NKAIN3: variants seen among roughly 807,000 people sequenced by gnomAD.
NKAIN3 encodes the protein sodium/potassium-transporting ATPase subunit beta-1-interacting protein 3.
NKAIN3 carries 25 observed loss-of-function variants against 30.2 expected under a neutral mutation model. That is an observed-to-expected ratio of 0.83 (90% CI 0.60 to 1.16). The LOEUF (loss-of-function observed/expected upper bound fraction) is 1.16. NKAIN3 is among the 50% of genes most tolerant of loss of function. NKAIN3 has a pLI of 0.00. For synonymous variants in NKAIN3, 91 were observed against 89.6 expected, an observed-to-expected ratio of 1.02 and a Z score of -0.09; for missense variants, 225 against 254.1, an observed-to-expected ratio of 0.89 and a Z score of 0.78.
At chr8:62,787,982 A>G (rs938245163) in intron 4 of NKAIN3, among the ~76,000 whole-genome samples, 3 of 152,174 alleles carry the variant, frequency 2.0e-5, no homozygotes, top group African/African-American at 7.2e-5. Flanking sequence ...TAGTGCCGCA[A>G]TAAACATACA....
At chr8:62,347,432 T>A (rs1185795575) in intron 1 of NKAIN3, among the ~76,000 whole-genome samples, 1 of 152,152 alleles carries the variant, frequency 6.6e-6, no homozygotes, top group Non-Finnish European at 1.5e-5. Flanking sequence ...TATTTCCATG[T>A]TCAAAGATTC....
intron 3 of NKAIN3, among the ~76,000 whole-genome samples, chr8:62,642,713 T>C (rs1475633105): frequency 6.6e-6 from 1 of 152,138 alleles, no homozygotes; most frequent in East Asian, 1.9e-4. Flanking sequence ...CTCCTTTTCC[T>C]GCAGACAAAG....
rs566352182 is a variant in NKAIN3, at chr8:62,864,343, G to A, written c.472-54110G>A. On this transcript the variant is annotated intron_variant, in intron 4 of 6. Coordinates refer to ENST00000623646, the MANE Select transcript of NKAIN3 (RefSeq NM_001304533.3). The stretch of plus-strand genomic sequence containing the variant: ...AGAAAACATTGAGAAAGAAGATGAT[G>A]TAGATCAGGAACTTGCGAACATAGA... Among the ~76,000 whole-genome samples, 1,446 of 152,270 alleles carry A rather than the reference G, an allele frequency of 9.5e-3. 21 individuals carry two copies. The highest frequency in any genetic ancestry group is 0.033 in the African/African-American group (1,371 of 41,544).
intron 4 of NKAIN3, among the ~76,000 whole-genome samples, chr8:62,825,231 A>G (rs569966217): frequency 6.6e-6 from 1 of 152,318 alleles, no homozygotes; most frequent in Admixed American, 6.5e-5. Context: ...GTAATAGACA[A>G]ACTTTATCAA....
chr8:62,962,111 T>A (rs1004074433), intron 6 of NKAIN3, among the ~76,000 whole-genome samples: 9 of 152,064 alleles, frequency 5.9e-5, no homozygotes, highest in African/African-American at 2.2e-4. Flanking sequence ...ACATAGAAAA[T>A]GTGTAAGTAA....
intron 4 of NKAIN3, among the ~76,000 whole-genome samples, chr8:62,865,755 G>A (rs1299835367): frequency 1.3e-5 from 2 of 152,148 alleles, no homozygotes; most frequent in African/African-American, 2.4e-5. Flanking sequence ...TTATCTTCTG[G>A]CAAAGGGACA....
At chr8:62,813,489 T>C (rs2130717859) in intron 4 of NKAIN3, among the ~76,000 whole-genome samples, 1 of 119,462 alleles carries the variant, frequency 8.4e-6, no homozygotes. Flanking sequence ...CAGCATACAG[T>C]TGAGTCTTCC....
At chr8:62,841,135 C>T (rs116017893) in intron 4 of NKAIN3, among the ~76,000 whole-genome samples, 3,949 of 151,812 alleles carry the variant, frequency 0.026, 162 homozygotes, top group African/African-American at 0.09. Context: ...CCCTAGAATG[C>T]GGAAATTTTC....
intron 3 of NKAIN3, among the ~76,000 whole-genome samples, chr8:62,629,029 A>G (rs1051970570): frequency 6.6e-6 from 1 of 152,132 alleles, no homozygotes; most frequent in East Asian, 1.9e-4. Context: ...TCAAATATCT[A>G]TTTGTAAACA....
At chr8:62,616,180 C>G (rs1258102019) in intron 3 of NKAIN3, among the ~76,000 whole-genome samples, 5 of 151,952 alleles carry the variant, frequency 3.3e-5, no homozygotes, top group African/African-American at 1.2e-4. Context: ...TCTCCAATAC[C>G]AAATGGAGGT....
intron 4 of NKAIN3, among the ~76,000 whole-genome samples, chr8:62,868,557 G>A (rs1179519143): frequency 1.3e-5 from 2 of 152,172 alleles, no homozygotes; most frequent in Non-Finnish European, 2.9e-5. Context: ...GATACCCGTG[G>A]TGCTGTAACT....
intron 5 of NKAIN3, among the ~76,000 whole-genome samples, chr8:62,927,309 T>C (rs1337424240): frequency 6.6e-6 from 1 of 152,220 alleles, no homozygotes. Context: ...TTGGCTGCTG[T>C]TGACTTCTCC....
chr8:62,445,540 T>G (rs891327027), intron 1 of NKAIN3, among the ~76,000 whole-genome samples: 1 of 152,308 alleles, frequency 6.6e-6, no homozygotes, highest in South Asian at 2.1e-4. Flanking sequence ...AACTATTTTC[T>G]GTTTACTTCT....
At chr8:62,251,202 C>T (rs1455476341) in intron 1 of NKAIN3, among the ~76,000 whole-genome samples, 1 of 152,100 alleles carries the variant, frequency 6.6e-6, no homozygotes, top group Non-Finnish European at 1.5e-5. Context: ...TATTCATAAA[C>T]AGTTTTTCCA....
At chr8:62,520,960 A>G (rs1323659883) in intron 1 of NKAIN3, among the ~76,000 whole-genome samples, 1 of 151,512 alleles carries the variant, frequency 6.6e-6, no homozygotes, top group Non-Finnish European at 1.5e-5. Context: ...GTATGGAAAG[A>G]GTGCATGGCA....
At chr8:62,591,920 G>A (rs1024397475) in intron 3 of NKAIN3, among the ~76,000 whole-genome samples, 1 of 151,948 alleles carries the variant, frequency 6.6e-6, no homozygotes, top group South Asian at 2.1e-4. Flanking sequence ...CATTGTGTAG[G>A]AAACTCCTCG....
intron 1 of NKAIN3, among the ~76,000 whole-genome samples, chr8:62,458,950 ACT>A (rs768898444): frequency 2.6e-5 from 4 of 151,960 alleles, no homozygotes; most frequent in African/African-American, 9.7e-5. Flanking sequence ...AGATTTTCAG[ACT>A]CTCTGTAGCA....
At chr8:62,516,839 A>G (rs1171953208) in intron 1 of NKAIN3, among the ~76,000 whole-genome samples, 1 of 152,074 alleles carries the variant, frequency 6.6e-6, no homozygotes, top group Non-Finnish European at 1.5e-5. Context: ...TGATATTTTC[A>G]TTTTGAACAT....
chr8:62,345,634 T>TATATGTATATATACACATATATAC (rs1815975317), intron 1 of NKAIN3, among the ~76,000 whole-genome samples: 4 of 141,566 alleles, frequency 2.8e-5, no homozygotes, highest in Non-Finnish European at 5.9e-5. Context: ...TATATACACA[T>TATATGTATATATACACATATATAC]ATATGTATAT....
Sources: allele counts gnomAD v4.1 joint callset (sites outside exome capture counted in the v4.1 genomes callset), GRCh38; gene constraint gnomAD v4.1.1; transcripts MANE v1.5; gene names NCBI Gene and HGNC (gene_info 2026-07-23, HGNC 2026-07-21).